The following EYA1 variants were observed in gnomAD, a reference collection of about 807,000 sequenced individuals.
EYA1 encodes protein phosphatase EYA1.
Under a neutral mutation model 82.0 loss-of-function variants are expected in EYA1, and 16 were observed. That is an observed-to-expected ratio of 0.20 (90% CI 0.13 to 0.30). The LOEUF is 0.30. Among genes scored for constraint, EYA1 ranks in the 10% least tolerant of loss-of-function variants. The probability of loss-of-function intolerance (pLI) is 1.00; values close to 1 mark genes in which losing one functional copy is unlikely to be tolerated. For missense variants in EYA1, 633 were observed against 730.7 expected (o/e 0.87, Z 1.54); for synonymous variants, 261 against 264.4 (o/e 0.99, Z 0.12).
chr8:71,216,250 A>G (rs964850639), intron 14 of EYA1, among the ~76,000 whole-genome samples: 30 of 152,168 alleles, frequency 2.0e-4, no homozygotes, highest in African/African-American at 6.8e-4. Context: ...CCTCACCCCT[A>G]AACTTTTTAT....
chr8:71,333,708 T>A (rs1271127366), intron 4 of EYA1, among the ~76,000 whole-genome samples: 1 of 152,220 alleles, frequency 6.6e-6, no homozygotes, highest in South Asian at 2.1e-4. Context: ...GCAAGATGAC[T>A]TGGCGAGTCT....
chr8:71,414,840 A>G (rs1266855842), intron 2 of EYA1, among the ~76,000 whole-genome samples: 1 of 152,234 alleles, frequency 6.6e-6, no homozygotes, highest in Non-Finnish European at 1.5e-5. Flanking sequence ...TTCTTTCTAA[A>G]GTACAGAAAA....
At chr8:71,231,740 A>G (rs6999609) in intron 12 of EYA1, among the ~76,000 whole-genome samples, 51,602 of 152,058 alleles carry the variant, frequency 0.34, 9,160 homozygotes, top group Middle Eastern at 0.43. Flanking sequence ...TTAGTCTGTG[A>G]TGTAGGGACT....
chr8:71,206,967 A>T (rs1436386334), intron 17 of EYA1, among the ~76,000 whole-genome samples: 1 of 151,910 alleles, frequency 6.6e-6, no homozygotes, highest in Non-Finnish European at 1.5e-5. Context: ...TGTTGCCCCA[A>T]CTGGTCTCAA....
intron 2 of EYA1, among the ~76,000 whole-genome samples, chr8:71,385,742 C>T (rs1828937673): frequency 2.0e-5 from 3 of 152,150 alleles, no homozygotes; most frequent in Non-Finnish European, 4.4e-5. Context: ...TGAAACCCCA[C>T]TTTAAAAATC....
At chr8:71,457,774 A>G (rs1808061168) in intron 2 of EYA1, among the ~76,000 whole-genome samples, 2 of 151,986 alleles carry the variant, frequency 1.3e-5, no homozygotes, top group African/African-American at 4.8e-5. Context: ...TCGGAGATAT[A>G]CCTAATGTAA....
intron 2 of EYA1, among the ~76,000 whole-genome samples, chr8:71,493,314 T>C (rs540325921): frequency 9.6e-4 from 147 of 152,344 alleles, no homozygotes; most frequent in African/African-American, 3.4e-3. Flanking sequence ...ACAAGTATTA[T>C]CTTGTTCTTT....
chr8:71,279,151 A>C (rs754433809), intron 9 of EYA1, among the ~76,000 whole-genome samples: 9 of 152,234 alleles, frequency 5.9e-5, no homozygotes, highest in Non-Finnish European at 1.3e-4. Flanking sequence ...ATCTGAATTT[A>C]GTGAACATGA....
chr8:71,429,497 A>G (rs543591038), intron 2 of EYA1, among the ~76,000 whole-genome samples: 6 of 152,322 alleles, frequency 3.9e-5, no homozygotes, highest in Non-Finnish European at 7.4e-5. Context: ...AGAGAAATAT[A>G]GAAGTATCTT....
At chr8:71,523,200 A>C (rs1341926341) in intron 2 of EYA1, among the ~76,000 whole-genome samples, 2 of 84,496 alleles carry the variant, frequency 2.4e-5, no homozygotes, top group Non-Finnish European at 3.7e-5. Context: ...TTTTTTTGAG[A>C]CGGAGTCTCG....
At chr8:71,263,119 G>A (rs1815339691) in intron 11 of EYA1, among the ~76,000 whole-genome samples, 1 of 152,148 alleles carries the variant, frequency 6.6e-6, no homozygotes, top group South Asian at 2.1e-4. Flanking sequence ...ACTGGGCTGT[G>A]AGTGCTACCT....
chr8:71,413,040 C>A (rs978831598), intron 2 of EYA1, among the ~76,000 whole-genome samples: 5 of 152,022 alleles, frequency 3.3e-5, no homozygotes, highest in African/African-American at 1.2e-4. Flanking sequence ...CTGTCCAAAG[C>A]CAATGTCATA....
intron 4 of EYA1, among the ~76,000 whole-genome samples, chr8:71,324,404 G>C (rs960669078): frequency 6.6e-6 from 1 of 152,090 alleles, no homozygotes; most frequent in African/African-American, 2.4e-5. Context: ...TTCTATGTGG[G>C]CTTAGTCAAG....
chr8:71,495,892 T>C (rs1013269010), intron 2 of EYA1, among the ~76,000 whole-genome samples: 1 of 152,182 alleles, frequency 6.6e-6, no homozygotes, highest in African/African-American at 2.4e-5. Context: ...CAGGGGATCA[T>C]TCCCCAGCAA....
At position 71,300,261 on chromosome 8, in the gene EYA1, T is replaced by C. The variant is rs561138944; in HGVS notation, c.557-541A>G. Among the ~76,000 whole-genome samples, 7 of 152,310 alleles carry C rather than the reference T, an allele frequency of 4.6e-5. No individual in the cohort carries two copies. In the South Asian group the frequency reaches 1.0e-3, roughly 23 times the overall value. ...AACAAAGATGAAAGAAGAATATGAT[T>C]AATGTTTTATCTGTTACATATGCTG... On this transcript the variant is annotated intron_variant, in intron 7 of 17. Coordinates refer to ENST00000340726, the MANE Select transcript of EYA1 (RefSeq NM_000503.6).
At chr8:71,261,545 G>A (rs531922204) in intron 11 of EYA1, among the ~76,000 whole-genome samples, 2 of 152,282 alleles carry the variant, frequency 1.3e-5, no homozygotes, top group South Asian at 2.1e-4. Context: ...CGTGACACTC[G>A]ATTGTGTTAA....
chr8:71,227,970 A>G (rs942853607), intron 12 of EYA1, among the ~76,000 whole-genome samples: 3 of 152,244 alleles, frequency 2.0e-5, no homozygotes, highest in Non-Finnish European at 4.4e-5. Flanking sequence ...GCATAAAAGA[A>G]CATACAGCTC....
rs545013392 is a variant in EYA1, at chr8:71,261,365, T to C, written c.1050+8375A>G. Reference sequence around the variant, plus strand: ...GATATGAAATATCAGATTTTGGGAGTTGGATGTGATTCTCTTGCCAATTAA... The same window carrying C: ...GATATGAAATATCAGATTTTGGGAGCTGGATGTGATTCTCTTGCCAATTAA... On this transcript the variant is annotated intron_variant, in intron 11 of 17. Transcript: ENST00000340726. Among the ~76,000 whole-genome samples, 6 of 152,140 alleles carry C rather than the reference T, an allele frequency of 3.9e-5. No individual in the cohort carries two copies. The South Asian group carries it at 1.0e-3, about 26-fold the overall frequency.
chr8:71,250,068 T>C (rs1314574717), intron 11 of EYA1, among the ~76,000 whole-genome samples: 1 of 152,094 alleles, frequency 6.6e-6, no homozygotes, highest in East Asian at 1.9e-4. Flanking sequence ...CCTTGTGTCT[T>C]TTGTGGATAT....
Sources: gnomAD v4.1 joint callset for allele counts (sites outside exome capture counted in the v4.1 genomes callset) on GRCh38, gnomAD v4.1.1 for gene constraint, MANE v1.5 for transcripts, NCBI Gene and HGNC (gene_info 2026-07-23, HGNC 2026-07-21) for gene names.